Variants in IFIH1 observed in about 807,000 individuals in gnomAD.
IFIH1 encodes interferon-induced helicase C domain-containing protein 1.
Under a neutral mutation model 107.4 loss-of-function variants are expected in IFIH1, and 125 were observed. The observed-to-expected ratio is 1.16, with a 90% CI of 1.01 to 1.35. IFIH1 has a LOEUF of 1.35. IFIH1 is among the 40% of genes most tolerant of loss of function. The pLI is 0.00. For synonymous variants in IFIH1, 458 were observed against 413.2 expected (o/e 1.11, Z -1.31); for missense variants, 1,333 against 1,213.7 (o/e 1.10, Z -1.46).
At position 162,314,408 on chromosome 2, in the gene IFIH1, TTTCTTTCTTTTCTTTC is replaced by T. The variant is rs1385379982; in HGVS notation, c.453+3431_453+3446del. Among the ~76,000 whole-genome samples, 10 of 71,020 alleles carry T rather than the reference TTTCTTTCTTTTCTTTC, an allele frequency of 1.4e-4. 1 individual carries two copies. Among genetic ancestry groups the T allele is most frequent in the African/African-American group, 1.0e-3 (10 of 9,778 alleles). 46.6% of individuals were successfully genotyped at this position (71,020 alleles called of 152,430 possible). A position where few individuals can be genotyped will look rare whatever the true frequency, so the allele number is the denominator to read the frequency against. Reference sequence around the variant, plus strand: ...CCTCCCTCCCTCCCTCCTTTCTTTCTTTCTTTCTTTTCTTTCTTTCTTTCTTTCTTTCTTTCTTTCT... The same window carrying T: ...CCTCCCTCCCTCCCTCCTTTCTTTCTTTTCTTTCTTTCTTTCTTTCTTTCT... On this transcript the variant is annotated intron_variant, in intron 1 of 15. Coordinates refer to ENST00000649979, the MANE Select transcript of IFIH1 (RefSeq NM_022168.4).
chr2:162,307,622 A>G (rs1683308597), intron 2 of IFIH1, among the ~76,000 whole-genome samples: 1 of 152,198 alleles, frequency 6.6e-6, no homozygotes, highest in African/African-American at 2.4e-5. Flanking sequence ...GCCTTTATGA[A>G]GCTGCAATCT....
chr2:162,271,969 T>C (rs1452167430), intron 13 of IFIH1, among the ~76,000 whole-genome samples: 1 of 152,192 alleles, frequency 6.6e-6, no homozygotes, highest in African/African-American at 2.4e-5. Flanking sequence ...GCAGTCTTTC[T>C]GGAACAAGGC....
Position 162,280,113 on chromosome 2 carries a change from C to T in IFIH1, c.1525-1G>A, listed in dbSNP as rs774035953. On this transcript the variant is annotated splice_acceptor_variant, in intron 7 of 15. Coordinates refer to ENST00000649979, the MANE Select transcript of IFIH1 (RefSeq NM_022168.4). LOFTEE classifies it high-confidence loss of function. ...TAAATGCATCAAGATTGGCACATAG[C>T]TGGAAAAGAGACATTTTTCAATATT... 14 of 1,453,572 alleles carry T rather than the reference C, an allele frequency of 9.6e-6. No homozygotes were observed. The highest frequency in any genetic ancestry group is 1.3e-5 in the Non-Finnish European group (14 of 1,039,666). The allele number at this position is 1,453,572 out of a possible 1,614,324, so 90.0% of individuals were successfully genotyped here.
chr2:162,292,890 G>A (rs1241709812), intron 4 of IFIH1, among the ~76,000 whole-genome samples: 1 of 151,472 alleles, frequency 6.6e-6, no homozygotes, highest in Non-Finnish European at 1.5e-5. Context: ...TACACTCAAA[G>A]AAAAGAAAGA....
intron 3 of IFIH1, among the ~76,000 whole-genome samples, chr2:162,304,223 G>A (rs973865671): frequency 6.6e-6 from 1 of 152,184 alleles, no homozygotes; most frequent in Non-Finnish European, 1.5e-5. Context: ...ACTTTGGGAG[G>A]CCAAGGCAGG....
chr2:162,278,827 T>C (rs1682756243), intron 8 of IFIH1, among the ~76,000 whole-genome samples: 1 of 152,106 alleles, frequency 6.6e-6, no homozygotes, highest in Non-Finnish European at 1.5e-5. Flanking sequence ...TGAAAACTCA[T>C]TTTTTGTTTT....
chr2:162,301,117 C>T (rs181280330), intron 3 of IFIH1, among the ~76,000 whole-genome samples: 7 of 151,944 alleles, frequency 4.6e-5, no homozygotes, highest in Non-Finnish European at 7.4e-5. Context: ...ATAATGTCAC[C>T]GGATAAACCT....
At chr2:162,279,318 TA>T (rs1475449942) in intron 8 of IFIH1, among the ~76,000 whole-genome samples, 1 of 152,102 alleles carries the variant, frequency 6.6e-6, no homozygotes, top group African/African-American at 2.4e-5. Flanking sequence ...CTACTATGCA[TA>T]TTTCATATCA....
At chr2:162,317,563 T>A (rs949869214) in intron 1 of IFIH1, among the ~76,000 whole-genome samples, 3 of 152,226 alleles carry the variant, frequency 2.0e-5, no homozygotes, top group African/African-American at 7.2e-5. Flanking sequence ...TAGTAATACA[T>A]TTTGAAAATG....
intron 4 of IFIH1, 151 bp downstream of exon 4, chr2:162,293,413 T>C (rs947789814): frequency 3.6e-6 from 2 of 556,320 alleles, no homozygotes; most frequent in East Asian, 5.8e-5. Flanking sequence ...TTAAAGAAAG[T>C]GAATGGCAAA....
rs12479043 is a variant in IFIH1 at position 162,281,361 on chromosome 2, C to T, written c.1491G>A (p.Thr497=). The T allele has an allele frequency of 2.0e-5, 32 of 1,612,346 alleles. No individual in the cohort carries two copies. The highest frequency in any genetic ancestry group is 1.3e-4 in the Admixed American group (8 of 59,788). Residue 497 remains threonine, a synonymous_variant, in exon 7 of 16, where the codon ACG becomes ACA. Coordinates refer to ENST00000649979, the MANE Select transcript of IFIH1 (RefSeq NM_022168.4). ...LTASPGVGGA[T]KQAKAEEHIL... is the part of the protein sequence containing the mutation. ...TGTGTTCTTCAGCTTTGGCTTGCTT[C>T]GTGGCCCCTCCAACACCAGGTGAAG...
At chr2:162,299,445 C>T (rs1035647637) in intron 3 of IFIH1, among the ~76,000 whole-genome samples, 1 of 152,116 alleles carries the variant, frequency 6.6e-6, no homozygotes, top group Admixed American at 6.5e-5. Flanking sequence ...AAATGTTCAA[C>T]AACTGGCCCT....
At chr2:162,281,114 C>T (rs532829085) in intron 7 of IFIH1, among the ~76,000 whole-genome samples, 2 of 152,032 alleles carry the variant, frequency 1.3e-5, no homozygotes, top group East Asian at 3.9e-4. Flanking sequence ...TATCACTCTC[C>T]ATCATTTTTA....
chr2:162,304,090 A>G (rs1042386086), intron 3 of IFIH1, among the ~76,000 whole-genome samples: 1 of 152,176 alleles, frequency 6.6e-6, no homozygotes, highest in Admixed American at 6.5e-5. Flanking sequence ...CAACAACAAC[A>G]ACAAAAAAAA....
At chr2:162,297,927 C>G (rs1179113079) in intron 3 of IFIH1, among the ~76,000 whole-genome samples, 6 of 151,998 alleles carry the variant, frequency 3.9e-5, no homozygotes, top group Non-Finnish European at 7.4e-5. Flanking sequence ...GAGTATTTTG[C>G]TAATAAGGCA....
chr2:162,316,429 C>T (rs1227013173), intron 1 of IFIH1, among the ~76,000 whole-genome samples: 1 of 152,176 alleles, frequency 6.6e-6, no homozygotes, highest in African/African-American at 2.4e-5. Context: ...CACAAAACGA[C>T]ATAAACATTA....
rs1353805115 is a variant in IFIH1 at position 162,282,378 on chromosome 2, C to A, written c.1294G>T (p.Val432Phe). Residue 432 changes from valine (V) to phenylalanine (F), a missense_variant, in exon 6 of 16, where the codon GTT (valine) becomes TTT (phenylalanine). Coordinates refer to ENST00000649979, the MANE Select transcript of IFIH1 (RefSeq NM_022168.4). The part of the protein sequence containing the change: ...LNLENGEDAG[V>F]QLSDFSLIII... ...CACTTAAACTGACCTGACAATTGAA[C>A]ACCAGCATCTTCTCCATTTTCCAAG... 10 of 1,607,434 alleles carry A rather than the reference C, an allele frequency of 6.2e-6. No homozygotes were observed. Among genetic ancestry groups the A allele is most frequent in the Non-Finnish European group, 8.5e-6 (10 of 1,175,662 alleles).
chr2:162,282,065 T>C (rs1054064317), intron 6 of IFIH1, among the ~76,000 whole-genome samples: 1 of 152,122 alleles, frequency 6.6e-6, no homozygotes, highest in Admixed American at 6.6e-5. Context: ...GATTTGTATT[T>C]TTATTCTATG....
chr2:162,297,603 A>G (rs1683115376), intron 3 of IFIH1, among the ~76,000 whole-genome samples: 1 of 152,184 alleles, frequency 6.6e-6, no homozygotes, highest in Admixed American at 6.5e-5. Flanking sequence ...AGGGCTTTGA[A>G]TATTGAAGTT....
Sources: gnomAD v4.1 joint callset for allele counts (sites outside exome capture counted in the v4.1 genomes callset) on GRCh38, gnomAD v4.1.1 for gene constraint, MANE v1.5 for transcripts, NCBI Gene and HGNC (gene_info 2026-07-23, HGNC 2026-07-21) for gene names.